The following AKAP12 variants were observed in gnomAD, a reference collection of about 807,000 sequenced individuals.
The protein encoded by AKAP12 is A-kinase anchoring protein 12.
In AKAP12, 32 loss-of-function variants were observed where a neutral mutation model predicts 79.9. The observed-to-expected ratio is 0.40, with a 90% CI of 0.30 to 0.54. The LOEUF (loss-of-function observed/expected upper bound fraction) is 0.54. AKAP12 is among the 20% of genes least tolerant of loss of function. The pLI, the probability that AKAP12 is intolerant of heterozygous loss-of-function variation, is 0.48. For missense variants in AKAP12, 2,074 were observed against 2,177.0 expected, an observed-to-expected ratio of 0.95 and a Z score of 0.94; for synonymous variants, 808 against 857.0, an observed-to-expected ratio of 0.94 and a Z score of 1.00.
At chr6:151,297,980 A>G (rs891093501) in intron 2 of AKAP12, among the ~76,000 whole-genome samples, 1 of 152,120 alleles carries the variant, frequency 6.6e-6, no homozygotes, top group Non-Finnish European at 1.5e-5. Context: ...TTCCCCCAAT[A>G]CGGTTTCATT....
At chr6:151,341,998 C>T (rs563132547) in intron 3 of AKAP12, among the ~76,000 whole-genome samples, 2 of 152,368 alleles carry the variant, frequency 1.3e-5, no homozygotes, top group South Asian at 4.1e-4. Context: ...GGTGCCAAAA[C>T]GCTCTGCGCC....
At chr6:151,269,277 T>A (rs1431146682) in intron 2 of AKAP12, among the ~76,000 whole-genome samples, 3 of 152,042 alleles carry the variant, frequency 2.0e-5, no homozygotes, top group Admixed American at 2.0e-4. Flanking sequence ...ATTTTCAGTT[T>A]TTTTGTGTGT....
intron 3 of AKAP12, among the ~76,000 whole-genome samples, chr6:151,310,348 G>C (rs1777066405): frequency 6.6e-6 from 1 of 151,764 alleles, no homozygotes; most frequent in African/African-American, 2.4e-5. Context: ...TGGGCAACAA[G>C]AGCGAAACTC....
intron 3 of AKAP12, among the ~76,000 whole-genome samples, chr6:151,345,220 C>T (rs1485344429): frequency 2.0e-5 from 3 of 151,638 alleles, no homozygotes; most frequent in Admixed American, 6.6e-5. Flanking sequence ...GGATTACAGG[C>T]GCCTGCCACC....
At chr6:151,286,708 G>A (rs1224411248) in intron 2 of AKAP12, among the ~76,000 whole-genome samples, 3 of 151,974 alleles carry the variant, frequency 2.0e-5, no homozygotes, top group Non-Finnish European at 4.4e-5. Flanking sequence ...TGAACCAAAC[G>A]AGCCACTTTG....
chr6:151,308,989 C>T (rs1200009661), intron 3 of AKAP12, among the ~76,000 whole-genome samples: 1 of 152,144 alleles, frequency 6.6e-6, no homozygotes, highest in African/African-American at 2.4e-5. Flanking sequence ...ATTGTCCTGC[C>T]TTAGCCTCTC....
intron 2 of AKAP12, among the ~76,000 whole-genome samples, chr6:151,301,545 A>G (rs1776863090): frequency 6.6e-6 from 1 of 152,202 alleles, no homozygotes; most frequent in Admixed American, 6.5e-5. Flanking sequence ...GAAAAAACAA[A>G]AACACTTTTG....
intron 3 of AKAP12, among the ~76,000 whole-genome samples, chr6:151,327,239 C>G (rs1777552383): frequency 6.6e-6 from 1 of 151,628 alleles, no homozygotes; most frequent in Non-Finnish European, 1.5e-5. Flanking sequence ...TTCAGCAATA[C>G]TAAAATTATC....
intron 2 of AKAP12, among the ~76,000 whole-genome samples, chr6:151,265,521 C>T (rs549579499): frequency 2.0e-5 from 3 of 152,082 alleles, no homozygotes; most frequent in African/African-American, 7.2e-5. Context: ...TATAGTGACC[C>T]AGGAAATCAA....
intron 3 of AKAP12, chr6:151,319,517 T>G (rs1482509202): frequency 1.0e-5 from 1 of 99,118 alleles, no homozygotes; most frequent in Non-Finnish European, 1.9e-5. Flanking sequence ...TATAGATATA[T>G]CTCTATATAG....
chr6:151,284,874 C>G (rs1776470059), intron 2 of AKAP12, among the ~76,000 whole-genome samples: 1 of 152,158 alleles, frequency 6.6e-6, no homozygotes, highest in South Asian at 2.1e-4. Context: ...GAACCCATCA[C>G]AGGGATTAAT....
At chr6:151,355,415 G>A (rs570193787) in intron 4 of AKAP12, among the ~76,000 whole-genome samples, 1 of 151,864 alleles carries the variant, frequency 6.6e-6, no homozygotes, top group African/African-American at 2.4e-5. Flanking sequence ...CGATTCTCCT[G>A]CCTCAGCCTC....
At chr6:151,297,181 C>T (rs992350079) in intron 2 of AKAP12, among the ~76,000 whole-genome samples, 5 of 151,752 alleles carry the variant, frequency 3.3e-5, no homozygotes, top group South Asian at 2.1e-4. Context: ...ATACACACCA[C>T]ACAACTCTGG....
chr6:151,347,922 A>G (rs899494983), intron 3 of AKAP12, among the ~76,000 whole-genome samples: 1 of 152,014 alleles, frequency 6.6e-6, no homozygotes, highest in Non-Finnish European at 1.5e-5. Flanking sequence ...CTGTAATCCC[A>G]GCACTTTGGG....
In AKAP12 at chr6:151,349,562, C is replaced by T; in HGVS notation, c.1171C>T (p.Pro391Ser). ...SEEQVSGSQGPSEEKPAPLAT... is the reference protein window; with the variant it reads ...SEEQVSGSQGSSEEKPAPLAT... ...GGAGCAAGTCAGTGGCTCGCAGGGA[C>T]CTTCTGAAGAGAAACCTGCTCCGTT... Residue 391 changes from proline to serine, a missense_variant, in exon 4 of 5, where the codon CCT (proline) becomes TCT (serine). Pro to Ser is a moderately conservative substitution (Grantham distance 74, BLOSUM62 -1). Transcript: ENST00000402676. The T allele has an allele frequency of 6.2e-7, 1 of 1,611,130 alleles. No homozygotes were observed. The highest frequency in any genetic ancestry group is 8.5e-7 in the Non-Finnish European group (1 of 1,179,218).
chr6:151,246,860 C>T (rs898749181), intron 2 of AKAP12, among the ~76,000 whole-genome samples: 1 of 152,142 alleles, frequency 6.6e-6, no homozygotes, highest in African/African-American at 2.4e-5. Context: ...CTCCTGGGCT[C>T]AAATGACCCT....
chr6:151,308,802 A>C (rs1201544277), intron 3 of AKAP12, among the ~76,000 whole-genome samples: 1 of 152,180 alleles, frequency 6.6e-6, no homozygotes, highest in Non-Finnish European at 1.5e-5. Context: ...AAATACAGAC[A>C]GAATCTTCGT....
At chr6:151,319,788 TC>T in intron 3 of AKAP12, 1 of 155,290 alleles carries the variant, frequency 6.4e-6, no homozygotes. Flanking sequence ...AGGATGACCA[TC>T]CCTGATAGAG....
At position 151,242,312 on chromosome 6, in the gene AKAP12, T is replaced by A. The variant is rs1022031810; in HGVS notation, c.162+1588T>A. On this transcript the variant is annotated intron_variant, in intron 2 of 4. Transcript: ENST00000402676. ...TAATCCCTTCCCAGTAAACTTGAAT[T>A]TGTTTATTTAAAAATATTCCTTCCA... 4.0e-5 allele frequency among the ~76,000 whole-genome samples: 6 copies of A among 150,726 alleles called. No homozygotes were observed. In the East Asian group the frequency reaches 9.7e-4, roughly 24 times the overall value.
Sources: allele counts gnomAD v4.1 joint callset (sites outside exome capture counted in the v4.1 genomes callset), GRCh38; gene constraint gnomAD v4.1.1; transcripts MANE v1.5; gene names NCBI Gene and HGNC (gene_info 2026-07-23, HGNC 2026-07-21).